Variants in C12orf56 observed in about 807,000 individuals in gnomAD.
C12orf56 encodes the protein chromosome 12 open reading frame 56.
Under a neutral mutation model 69.9 loss-of-function variants are expected in C12orf56, and 71 were observed. That is an observed-to-expected ratio of 1.02 (90% CI 0.84 to 1.24). The LOEUF is 1.24. Among genes scored for constraint, C12orf56 ranks in the 50% most tolerant of loss-of-function variants. The probability of loss-of-function intolerance (pLI) is 0.00; values close to 1 mark genes in which losing one functional copy is unlikely to be tolerated. For missense variants in C12orf56, 732 were observed against 738.5 expected (o/e 0.99, Z 0.10); for synonymous variants, 276 against 274.1 (o/e 1.01, Z -0.07).
chr12:64,337,610 A>C (rs1474988816), intron 2 of C12orf56, among the ~76,000 whole-genome samples: 1 of 152,144 alleles, frequency 6.6e-6, no homozygotes, highest in Admixed American at 6.6e-5. Context: ...TAATCCCAGC[A>C]CTTTGGAAGG....
chr12:64,357,889 G>A (rs1196299543), intron 1 of C12orf56, among the ~76,000 whole-genome samples: 3 of 151,088 alleles, frequency 2.0e-5, no homozygotes, highest in Non-Finnish European at 4.4e-5. Context: ...GACAGAGGGA[G>A]ACTCCATCTC....
In C12orf56 at chr12:64,390,378, G is replaced by T. The variant is rs763169127; in HGVS notation, c.188C>A (p.Thr63Asn). ...VVLSDRLVYL[T>N]ENPPKSIRRV... ...CCGGATGGACTTGGGCGGGTTCTCG[G>T]TTAGGTAGACGAGCCGGTCGCTTAG... The change falls in exon 1 of 13, where the codon ACC becomes AAC. Residue 63 changes from threonine (T) to asparagine (N), a missense_variant. Thr to Asn is a moderately conservative substitution (Grantham distance 65). Transcript: ENST00000543942. 1 of 1,613,034 alleles carries T rather than the reference G, an allele frequency of 6.2e-7. No individual in the cohort carries two copies. Among genetic ancestry groups the T allele is most frequent in the Non-Finnish European group, 8.5e-7 (1 of 1,179,772 alleles).
Position 64,390,541 on chromosome 12 carries a change from A to T in C12orf56, c.25T>A (p.Phe9Ile), listed in dbSNP as rs776274129. 6.3e-7 allele frequency: 1 copy of T among 1,594,926 alleles called. No individual in the cohort carries two copies. Among genetic ancestry groups the T allele is most frequent in the South Asian group, 1.1e-5 (1 of 90,842 alleles). The change falls in exon 1 of 13, where the codon TTC becomes ATC. Residue 9 changes from phenylalanine (F) to isoleucine (I), a missense_variant. Transcript: ENST00000543942. MASPLPSG[F>I]PARRNSRLDV... ...AGGCGGCTGTTCCTGCGCGCGGGGA[A>T]GCCGGACGGCAAGGGGCTGGCCATG...
At chr12:64,287,243 CA>C (rs534894017) in intron 6 of C12orf56, among the ~76,000 whole-genome samples, 184 of 98,744 alleles carry the variant, frequency 1.9e-3, no homozygotes, top group Middle Eastern at 5.9e-3. Context: ...GAGACTCCAT[CA>C]AAAAAAAAAA....
intron 1 of C12orf56, among the ~76,000 whole-genome samples, chr12:64,367,358 A>G (rs1339973803): frequency 2.8e-5 from 4 of 142,832 alleles, no homozygotes; most frequent in Non-Finnish European, 6.0e-5. Context: ...ATTATATTAT[A>G]TTATATATAG....
intron 11 of C12orf56, 137 bp from the exon 12 acceptor site, chr12:64,270,851 A>G: frequency 4.3e-6 from 3 of 690,010 alleles, no homozygotes; most frequent in Non-Finnish European, 7.0e-6. Flanking sequence ...CCTTATTGAA[A>G]TGGTATCCAA....
intron 2 of C12orf56, among the ~76,000 whole-genome samples, chr12:64,339,809 C>G (rs1321568637): frequency 6.6e-6 from 1 of 152,028 alleles, no homozygotes; most frequent in Non-Finnish European, 1.5e-5. Context: ...AATTGTCCCA[C>G]CTTAGCCTCT....
At chr12:64,382,742 G>A (rs1003878656) in intron 1 of C12orf56, among the ~76,000 whole-genome samples, 7 of 151,894 alleles carry the variant, frequency 4.6e-5, no homozygotes, top group Admixed American at 6.6e-5. Flanking sequence ...GCATGGTGGC[G>A]GGTGCCTGTA....
chr12:64,303,700 A>C lies in C12orf56; in HGVS notation c.1048T>G (p.Ser350Ala), dbSNP rs372952107. 31 of 1,579,242 alleles carry C rather than the reference A, an allele frequency of 2.0e-5. No homozygotes were observed. The highest frequency in any genetic ancestry group is 2.6e-6 in the Non-Finnish European group (3 of 1,162,502). ...GCTACTTTAAGTTCCATAAGTAAAG[A>C]AAGTATCCTCCTCAAAGAATTGTCT... ...LKDNSLRRIL[S>A]LLMELKVAAQ... The change falls in exon 6 of 13, where the codon TCT becomes GCT. Residue 350 changes from serine (S) to alanine (A), a missense_variant. Physicochemically the swap from Ser to Ala is moderately conservative, Grantham distance 99. Coordinates refer to ENST00000543942, the MANE Select transcript of C12orf56 (RefSeq NM_001170633.2).
chr12:64,370,398 C>T (rs985043422), intron 1 of C12orf56, among the ~76,000 whole-genome samples: 3 of 151,342 alleles, frequency 2.0e-5, no homozygotes, highest in Non-Finnish European at 2.9e-5. Flanking sequence ...TGCCTATAAT[C>T]CCAGCAATTT....
At chr12:64,302,451 A>G (rs535959212) in intron 6 of C12orf56, among the ~76,000 whole-genome samples, 10 of 152,342 alleles carry the variant, frequency 6.6e-5, no homozygotes, top group African/African-American at 2.4e-4. Context: ...CACCCTACAT[A>G]TCAAGGACCT....
chr12:64,337,812 A>G (rs2039015608), intron 2 of C12orf56, among the ~76,000 whole-genome samples: 1 of 148,774 alleles, frequency 6.7e-6, no homozygotes, highest in East Asian at 2.0e-4. Flanking sequence ...AGCTGAGATC[A>G]CACCACTGCA....
intron 1 of C12orf56, among the ~76,000 whole-genome samples, chr12:64,384,505 A>G (rs138703542): frequency 1.8e-4 from 28 of 152,330 alleles, no homozygotes; most frequent in African/African-American, 5.5e-4. Context: ...AACCACCTTG[A>G]AGGAGGACAA....
chr12:64,352,732 G>A (rs868127108), intron 2 of C12orf56, among the ~76,000 whole-genome samples, 162 bp downstream of exon 2: 2 of 152,104 alleles, frequency 1.3e-5, no homozygotes, highest in African/African-American at 4.8e-5. Flanking sequence ...CCCACTGTCC[G>A]CATCTTTCAA....
At chr12:64,319,119 C>T (rs538615661) in intron 3 of C12orf56, 139 bp from the exon 4 acceptor site, 16 of 768,908 alleles carry the variant, frequency 2.1e-5, no homozygotes, top group African/African-American at 3.5e-5. Flanking sequence ...CATTGAACCT[C>T]GCTGGTAATA....
At chr12:64,308,493 A>C (rs1298392547) in intron 5 of C12orf56, among the ~76,000 whole-genome samples, 1 of 152,060 alleles carries the variant, frequency 6.6e-6, no homozygotes, top group Non-Finnish European at 1.5e-5. Flanking sequence ...AAGCAATAAA[A>C]TTTTTTATTA....
At chr12:64,335,191 C>A (rs1258462645) in intron 2 of C12orf56, among the ~76,000 whole-genome samples, 2 of 151,946 alleles carry the variant, frequency 1.3e-5, no homozygotes, top group Admixed American at 1.3e-4. Flanking sequence ...CCGAGGTGGG[C>A]GGATCACCTG....
At chr12:64,350,086 A>T (rs10878152) in intron 2 of C12orf56, among the ~76,000 whole-genome samples, 1 of 145,256 alleles carries the variant, frequency 6.9e-6, no homozygotes, top group Admixed American at 6.9e-5. Context: ...AGCAAGACTC[A>T]GTCTCAGAAA....
At chr12:64,369,580 G>A (rs1268481825) in intron 1 of C12orf56, among the ~76,000 whole-genome samples, 1 of 152,150 alleles carries the variant, frequency 6.6e-6, no homozygotes, top group Non-Finnish European at 1.5e-5. Flanking sequence ...TTATAAATCT[G>A]TGTTGATGGG....
Sources: allele counts gnomAD v4.1 joint callset (sites outside exome capture counted in the v4.1 genomes callset), GRCh38; gene constraint gnomAD v4.1.1; transcripts MANE v1.5; gene names NCBI Gene and HGNC (gene_info 2026-07-23, HGNC 2026-07-21).